ARHGAP17: variants seen among roughly 807,000 people sequenced by gnomAD.
ARHGAP17 encodes rho GTPase-activating protein 17.
Under a neutral mutation model 99.5 loss-of-function variants are expected in ARHGAP17, and 57 were observed. The observed-to-expected ratio is 0.57, with a 90% CI of 0.46 to 0.71. ARHGAP17 has a LOEUF of 0.71. Among genes scored for constraint, ARHGAP17 ranks in the 30% least tolerant of loss-of-function variants. The pLI is 0.00. For synonymous variants in ARHGAP17, 417 were observed against 429.6 expected, an observed-to-expected ratio of 0.97 and a Z score of 0.36; for missense variants, 1,000 against 1,122.4, an observed-to-expected ratio of 0.89 and a Z score of 1.56.
intron 1 of ARHGAP17, among the ~76,000 whole-genome samples, chr16:25,002,494 T>C (rs1167869425): frequency 6.6e-6 from 1 of 152,168 alleles, no homozygotes; most frequent in Non-Finnish European, 1.5e-5. Context: ...TCTCAACCTT[T>C]TGCCGAAAAG....
Position 24,935,560 on chromosome 16 carries a change from T to C in ARHGAP17, c.1804A>G (p.Asn602Asp). Residue 602 changes from asparagine (N) to aspartate (D), a missense_variant, in exon 18 of 20, where the codon AAT (asparagine) becomes GAT (aspartate). Around this residue, in one of 2 missense-constraint regions of ARHGAP17, gnomAD observed 528 missense variants for 511.4 expected, o/e 1.03. Transcript: ENST00000289968. ...GAGCCAGCAGCTGCCTGGGGCTGATTTTGGCCAGATGCTATCTGACTGTTG... is the reference window on the plus strand; with the variant it reads ...GAGCCAGCAGCTGCCTGGGGCTGATCTTGGCCAGATGCTATCTGACTGTTG... ...RNNSQIASGQ[N>D]QPQAAAGSHQ... 1 of 1,614,070 alleles carries C rather than the reference T, an allele frequency of 6.2e-7. No individual in the cohort carries two copies.
At chr16:24,938,943 A>G (rs2051227695) in intron 17 of ARHGAP17, among the ~76,000 whole-genome samples, 1 of 152,170 alleles carries the variant, frequency 6.6e-6, no homozygotes, top group African/African-American at 2.4e-5. Flanking sequence ...CACTGAATCA[A>G]TCAACGAATG....
intron 14 of ARHGAP17, among the ~76,000 whole-genome samples, chr16:24,945,566 G>A (rs1005603904): frequency 2.6e-5 from 4 of 152,142 alleles, no homozygotes; most frequent in African/African-American, 9.7e-5. Flanking sequence ...TCCCAGGTCT[G>A]ACTGCCTCAA....
intron 1 of ARHGAP17, among the ~76,000 whole-genome samples, chr16:24,982,909 C>T (rs1248760647): frequency 1.6e-5 from 1 of 63,408 alleles, no homozygotes; most frequent in East Asian, 4.3e-4. Flanking sequence ...CATCTATAGA[C>T]AAAAAAAAAA....
At chr16:25,009,767 C>A (rs559647007) in intron 1 of ARHGAP17, among the ~76,000 whole-genome samples, 6 of 152,234 alleles carry the variant, frequency 3.9e-5, no homozygotes, top group South Asian at 2.1e-4. Flanking sequence ...CTGTCTCTTG[C>A]GAGCTTGATG....
chr16:24,938,489 C>G (rs1444788571), intron 17 of ARHGAP17, among the ~76,000 whole-genome samples: 4 of 152,154 alleles, frequency 2.6e-5, no homozygotes, highest in Admixed American at 6.5e-5. Flanking sequence ...ACCAGCTAGG[C>G]ATGGTGGCTC....
intron 6 of ARHGAP17, 144 bp from the exon 7 acceptor site, chr16:24,964,452 G>C: frequency 1.6e-6 from 1 of 633,036 alleles, no homozygotes; most frequent in Non-Finnish European, 2.8e-6. Context: ...AAATTCTCTT[G>C]AGCTTATTCT....
At chr16:24,997,766 G>A (rs2053239819) in intron 1 of ARHGAP17, among the ~76,000 whole-genome samples, 1 of 152,122 alleles carries the variant, frequency 6.6e-6, no homozygotes, top group African/African-American at 2.4e-5. Context: ...TGGACAATGT[G>A]TGTTTTTCCT....
chr16:24,949,459 G>GGC lies in ARHGAP17; in HGVS notation c.1071_1072insGC (p.Gln358AlafsTer22). 6.2e-7 allele frequency: 1 copy of GGC among 1,613,776 alleles called. No homozygotes were observed. On this transcript the variant is annotated frameshift_variant, in exon 13 of 20. Coordinates refer to ENST00000289968, the MANE Select transcript of ARHGAP17 (RefSeq NM_001006634.3). LOFTEE classifies it high-confidence loss of function. ...TTCTGACATGTTCTCCACAAGTCTT[G>GGC]AAGTTTTTTGTCTTGATCCTGCACA... is the stretch of plus-strand genomic sequence containing the variant.
intron 4 of ARHGAP17, 122 bp from the exon 5 acceptor site, chr16:24,968,894 T>G: frequency 1.2e-6 from 1 of 804,394 alleles, no homozygotes; most frequent in Non-Finnish European, 2.0e-6. Context: ...TAACGAGCCT[T>G]GAAAATATTA....
chr16:24,940,814 T>C (rs2051292616), intron 16 of ARHGAP17, among the ~76,000 whole-genome samples: 1 of 152,240 alleles, frequency 6.6e-6, no homozygotes. Flanking sequence ...GACTGATCTA[T>C]GAACTTAACA....
chr16:24,942,975 G>C (rs1255506088), intron 15 of ARHGAP17, among the ~76,000 whole-genome samples: 1 of 152,138 alleles, frequency 6.6e-6, no homozygotes, highest in East Asian at 1.9e-4. Flanking sequence ...TGACAAAACA[G>C]TGGTAAAGAA....
intron 1 of ARHGAP17, among the ~76,000 whole-genome samples, chr16:24,982,963 A>G (rs1412363806): frequency 1.5e-5 from 1 of 67,404 alleles, no homozygotes; most frequent in African/African-American, 5.2e-5. Flanking sequence ...TACTTGATAA[A>G]TCATATATAT....
intron 3 of ARHGAP17, among the ~76,000 whole-genome samples, chr16:24,974,728 A>G (rs184202298): frequency 6.6e-6 from 1 of 152,324 alleles, no homozygotes; most frequent in East Asian, 1.9e-4. Flanking sequence ...AGTCCAGGTG[A>G]GAGGGAGTCA....
At chr16:24,975,044 C>T (rs1040515842) in intron 3 of ARHGAP17, among the ~76,000 whole-genome samples, 1 of 152,152 alleles carries the variant, frequency 6.6e-6, no homozygotes, top group African/African-American at 2.4e-5. Context: ...GTCCCAGCTA[C>T]TTAAAGGTTG....
chr16:25,007,018 T>C (rs963268450), intron 1 of ARHGAP17, among the ~76,000 whole-genome samples: 1 of 152,198 alleles, frequency 6.6e-6, no homozygotes, highest in African/African-American at 2.4e-5. Flanking sequence ...TAACAGTGAA[T>C]ACCCAATGTT....
chr16:24,994,037 G>T (rs2053125302), intron 1 of ARHGAP17, among the ~76,000 whole-genome samples: 1 of 152,142 alleles, frequency 6.6e-6, no homozygotes, highest in African/African-American at 2.4e-5. Flanking sequence ...AATAATGGTG[G>T]CTCCTCTGGA....
intron 1 of ARHGAP17, among the ~76,000 whole-genome samples, chr16:25,003,472 C>T (rs2053426406): frequency 6.6e-6 from 1 of 152,084 alleles, no homozygotes; most frequent in South Asian, 2.1e-4. Context: ...CCTCAGCCTC[C>T]CAAAGTGCTG....
At chr16:24,970,038 G>C (rs1418422779) in intron 4 of ARHGAP17, among the ~76,000 whole-genome samples, 1 of 141,990 alleles carries the variant, frequency 7.0e-6, no homozygotes, top group Non-Finnish European at 1.5e-5. Flanking sequence ...ATTATTTAAA[G>C]AATACATGAC....
Sources: gnomAD v4.1 joint callset for allele counts (sites outside exome capture counted in the v4.1 genomes callset) on GRCh38, gnomAD v4.1.1 for gene constraint, gnomAD v4.1.1 regional missense constraint, MANE v1.5 for transcripts, NCBI Gene and HGNC (gene_info 2026-07-23, HGNC 2026-07-21) for gene names.